The following NBAS variants were observed in gnomAD, a reference collection of about 807,000 sequenced individuals.
The protein encoded by NBAS is NBAS subunit of NRZ tethering complex.
In NBAS, 219 loss-of-function variants were observed where a neutral mutation model predicts 302.5. The observed-to-expected ratio is 0.72, with a 90% CI of 0.65 to 0.81. NBAS has a LOEUF of 0.81. Among genes scored for constraint, NBAS ranks in the 30% least tolerant of loss-of-function variants. The pLI, the probability that NBAS is intolerant of heterozygous loss-of-function variation, is 0.00. For missense variants in NBAS, 2,932 were observed against 2,841.6 expected, an observed-to-expected ratio of 1.03 and a Z score of -0.72; for synonymous variants, 1,118 against 1,021.6, an observed-to-expected ratio of 1.09 and a Z score of -1.80.
chr2:15,033,811 G>A, the NBAS span, among the ~76,000 whole-genome samples: 1 of 151,872 alleles, frequency 6.6e-6, no homozygotes, highest in Non-Finnish European at 1.5e-5. Flanking sequence ...AGCCAGGCAT[G>A]GTGGCTCACT....
At chr2:14,787,012 T>G in the NBAS span, among the ~76,000 whole-genome samples, 2 of 152,212 alleles carry the variant, frequency 1.3e-5, no homozygotes, top group Non-Finnish European at 2.9e-5. Context: ...GCTCCCGTAT[T>G]GGGTGCATAT....
chr2:15,303,401 T>C (rs6431690), intron 40 of NBAS, among the ~76,000 whole-genome samples: 84,622 of 151,962 alleles, frequency 0.56, 25,044 homozygotes, highest in East Asian at 0.85. Flanking sequence ...GATAAAAGGG[T>C]ACACAAAATA....
intron 21 of NBAS, among the ~76,000 whole-genome samples, chr2:15,448,992 T>C (rs778142244): frequency 6.4e-4 from 98 of 152,158 alleles, no homozygotes; most frequent in Non-Finnish European, 1.2e-3. Flanking sequence ...CTGAAATTAT[T>C]GGTCAAGGTT....
intron 9 of NBAS, among the ~76,000 whole-genome samples, chr2:15,520,669 C>A (rs1025738512): frequency 5.3e-5 from 8 of 151,152 alleles, no homozygotes; most frequent in African/African-American, 1.9e-4. Context: ...TCCTATAAAT[C>A]TTTCTTTATA....
rs1667128644 is a variant in NBAS, at chr2:15,225,789, C to T, written c.6236+6633G>A. Among the ~76,000 whole-genome samples, 4 of 152,192 alleles carry T rather than the reference C, an allele frequency of 2.6e-5. No homozygotes were observed. The South Asian group carries it at 8.3e-4, about 32-fold the overall frequency. ...TCTGAGTGAATTTAATGCTATAAAT[C>T]CTTTTGAGAATGACAAATATACTGG... is the stretch of plus-strand genomic sequence containing the variant. On this transcript the variant is annotated intron_variant, in intron 47 of 51. Coordinates refer to ENST00000281513, the MANE Select transcript of NBAS (RefSeq NM_015909.4).
the NBAS span, among the ~76,000 whole-genome samples, chr2:14,782,414 T>C: frequency 6.6e-6 from 1 of 152,092 alleles, no homozygotes; most frequent in African/African-American, 2.4e-5. Flanking sequence ...TGAAATACCA[T>C]CTCACACCAG....
chr2:15,423,302 T>C (rs868408785), intron 23 of NBAS, among the ~76,000 whole-genome samples: 1 of 152,182 alleles, frequency 6.6e-6, no homozygotes, highest in Non-Finnish European at 1.5e-5. Context: ...ATCACAAATG[T>C]TCTTGGCCAT....
the NBAS span, among the ~76,000 whole-genome samples, chr2:14,800,581 G>C: frequency 6.6e-6 from 1 of 152,248 alleles, no homozygotes; most frequent in South Asian, 2.1e-4. Flanking sequence ...TTTAGTGCTT[G>C]ATTTAAGGTA....
chr2:14,841,506 A>C, the NBAS span, among the ~76,000 whole-genome samples: 1 of 98,690 alleles, frequency 1.0e-5, no homozygotes, highest in Admixed American at 8.6e-5. Flanking sequence ...GAAACAAAAA[A>C]AAAAAAAAAC....
chr2:15,104,037 T>C, the NBAS span, among the ~76,000 whole-genome samples: 3 of 152,170 alleles, frequency 2.0e-5, no homozygotes, highest in Non-Finnish European at 4.4e-5. Flanking sequence ...TCACGGTGAA[T>C]TGTAATAATC....
intron 42 of NBAS, 152 bp from the exon 43 acceptor site, chr2:15,277,253 G>A (rs1205021248): frequency 1.0e-6 from 1 of 954,868 alleles, no homozygotes; most frequent in East Asian, 2.6e-5. Flanking sequence ...CAGTCAGCCT[G>A]AATAAAGGAA....
intron 25 of NBAS, among the ~76,000 whole-genome samples, chr2:15,413,268 C>G (rs531504429): frequency 6.6e-6 from 1 of 152,188 alleles, no homozygotes; most frequent in Admixed American, 6.5e-5. Flanking sequence ...TATTTATTCA[C>G]TTGCCCTGCC....
the NBAS span, among the ~76,000 whole-genome samples, chr2:14,972,485 T>C: frequency 6.6e-6 from 1 of 152,324 alleles, no homozygotes; most frequent in Admixed American, 6.5e-5. Context: ...TACCCTCTGT[T>C]AAAGCAGGCA....
At chr2:15,128,303 CTCCAG>C in the NBAS span, among the ~76,000 whole-genome samples, 2 of 152,224 alleles carry the variant, frequency 1.3e-5, no homozygotes, top group African/African-American at 4.8e-5. Flanking sequence ...CGGGGGACTA[CTCCAG>C]ACCTACTGGG....
chr2:15,282,390 G>A (rs182612213), intron 42 of NBAS, among the ~76,000 whole-genome samples: 1 of 152,260 alleles, frequency 6.6e-6, no homozygotes, highest in East Asian at 1.9e-4. Context: ...TCTATTTTCT[G>A]TTTCAATTCA....
intron 21 of NBAS, 71 bp downstream of exon 21, chr2:15,461,130 A>T: frequency 3.0e-6 from 4 of 1,323,770 alleles, no homozygotes; most frequent in African/African-American, 1.5e-5. Flanking sequence ...TTTAACTTTA[A>T]GGTGTTCAGC....
chr2:15,312,463 G>C (rs1325917214), intron 38 of NBAS, among the ~76,000 whole-genome samples: 1 of 152,024 alleles, frequency 6.6e-6, no homozygotes, highest in South Asian at 2.1e-4. Context: ...TTTTTATAGA[G>C]ACGGAGTATT....
At chr2:15,069,781 A>G in the NBAS span, among the ~76,000 whole-genome samples, 1 of 152,260 alleles carries the variant, frequency 6.6e-6, no homozygotes, top group Non-Finnish European at 1.5e-5. Context: ...GCATCTACTT[A>G]AAACAAAGAG....
rs149440017 is a variant in NBAS, at chr2:15,561,198, G to A, written c.107C>T (p.Thr36Ile). ...ATGGGCCTGGTTCACCTGTACTTCA[G>A]TCTCCGGTGGCCACTCGGTGTTGAC... is the stretch of plus-strand genomic sequence containing the variant. Reference protein sequence around the residue: ...LLVNTEWPPETEVQPRGNQKH... With the variant: ...LLVNTEWPPEIEVQPRGNQKH... Residue 36 changes from threonine (T) to isoleucine (I), a missense_variant, in exon 1 of 52, where the codon ACT (threonine) becomes ATT (isoleucine). Transcript: ENST00000281513. 7 of 1,613,618 alleles carry A rather than the reference G, an allele frequency of 4.3e-6. No individual in the cohort carries two copies. In the African/African-American group the frequency reaches 8.0e-5, roughly 18 times the overall value.
Sources: allele counts gnomAD v4.1 joint callset (sites outside exome capture counted in the v4.1 genomes callset), GRCh38; gene constraint gnomAD v4.1.1; transcripts MANE v1.5; gene names NCBI Gene and HGNC (gene_info 2026-07-23, HGNC 2026-07-21).